Variants in CARS2 observed in about 807,000 individuals in gnomAD.
CARS2 encodes the protein probable cysteine--tRNA ligase, mitochondrial.
In CARS2, 52 loss-of-function variants were observed where a neutral mutation model predicts 68.8. The ratio of observed to expected loss-of-function variants is 0.76; its 90% CI spans 0.61 to 0.95. The LOEUF is 0.95. Among genes scored for constraint, CARS2 ranks in the 40% least tolerant of loss-of-function variants. The pLI is 0.00. For missense variants in CARS2, 780 were observed against 754.2 expected (o/e 1.03, Z -0.40); for synonymous variants, 314 against 303.6 (o/e 1.03, Z -0.36).
chr13:110,655,610 G>T (rs908404775), intron 9 of CARS2, among the ~76,000 whole-genome samples: 1 of 152,214 alleles, frequency 6.6e-6, no homozygotes, highest in African/African-American at 2.4e-5. Flanking sequence ...GCTGCTTCAG[G>T]AGAGAAGCCG....
At position 110,704,544 on chromosome 13, in the gene CARS2, T is replaced by C. The variant is rs565372447; in HGVS notation, c.275+977A>G. On this transcript the variant is annotated intron_variant, in intron 2 of 14. Coordinates refer to ENST00000257347, the MANE Select transcript of CARS2 (RefSeq NM_024537.4). The stretch of plus-strand genomic sequence containing the variant: ...TTCGAGACCAGCCTGGCTGACATGG[T>C]GAAACTCCGTCTCTACTAAAAATAC... Among the ~76,000 whole-genome samples the C allele has an allele frequency of 2.1e-3, 317 of 152,210 alleles. 1 individual carries two copies. The highest frequency in any genetic ancestry group is 7.5e-3 in the African/African-American group (311 of 41,520).
intron 3 of CARS2, among the ~76,000 whole-genome samples, chr13:110,692,813 C>T (rs1470547207): frequency 6.6e-6 from 1 of 151,586 alleles, no homozygotes; most frequent in African/African-American, 2.4e-5. Flanking sequence ...AACTCTGTCT[C>T]AAAAAAGGAA....
chr13:110,670,417 C>T lies in CARS2; in HGVS notation c.786-2944G>A, dbSNP rs1166043019. 1.3e-5 allele frequency among the ~76,000 whole-genome samples: 2 copies of T among 152,226 alleles called. No homozygotes were observed. Among genetic ancestry groups the T allele is most frequent in the African/African-American group, 2.4e-5 (1 of 41,460 alleles). ...TTCTGCAATATTTGCTGTTCTGCAGCCTCTGCTGGTGATACCCAGGCAAAC... is the reference window on the plus strand; with the variant it reads ...TTCTGCAATATTTGCTGTTCTGCAGTCTCTGCTGGTGATACCCAGGCAAAC... On this transcript the variant is annotated intron_variant, in intron 7 of 14. Coordinates refer to ENST00000257347, the MANE Select transcript of CARS2 (RefSeq NM_024537.4). The surrounding 1 kb of genome is among the most constrained non-coding windows in gnomAD (Gnocchi z 4.1).
chr13:110,713,302 C>G (rs1321710989), exon 1 of CARS2: 1 of 1,224,140 alleles, frequency 8.2e-7, no homozygotes, highest in Non-Finnish European at 1.0e-6. Context: ...TTGCTGTGTA[C>G]CATGGTCTCG....
intron 3 of CARS2, among the ~76,000 whole-genome samples, chr13:110,693,370 C>CT (rs1195044279): frequency 2.7e-5 from 4 of 150,702 alleles, no homozygotes; most frequent in Non-Finnish European, 3.0e-5. Flanking sequence ...AACTTACATT[C>CT]TTTTTTTTTG....
chr13:110,700,539 G>A (rs1448463737), intron 3 of CARS2, among the ~76,000 whole-genome samples: 1 of 152,200 alleles, frequency 6.6e-6, no homozygotes, highest in East Asian at 1.9e-4. Flanking sequence ...AACCCAGGGT[G>A]GCTGCAGGAG....
At chr13:110,700,059 G>A (rs1470151592) in intron 3 of CARS2, among the ~76,000 whole-genome samples, 2 of 152,248 alleles carry the variant, frequency 1.3e-5, no homozygotes, top group Admixed American at 1.3e-4. Flanking sequence ...TGAAGTCAGA[G>A]CTGTGGGAGT....
Position 110,642,296 on chromosome 13 carries a change from A to T in CARS2, c.1623+19T>A. On this transcript the variant is annotated intron_variant, in intron 14 of 14. Coordinates refer to ENST00000257347, the MANE Select transcript of CARS2 (RefSeq NM_024537.4). ...CCCGGCTCCTGGGGTGATGTCCCTG[A>T]CCTTGGTGCGGCACTCACCTTGATG... The T allele has an allele frequency of 6.5e-7, 1 of 1,541,186 alleles. No individual in the cohort carries two copies.
At chr13:110,656,194 C>T (rs1308532460) in intron 9 of CARS2, among the ~76,000 whole-genome samples, 3 of 152,038 alleles carry the variant, frequency 2.0e-5, no homozygotes, top group Non-Finnish European at 4.4e-5. Flanking sequence ...TCCCAGCTAC[C>T]TGGGAGGCTG....
chr13:110,647,206 G>T lies in CARS2; in HGVS notation c.1088C>A (p.Ala363Asp). 1 of 1,613,376 alleles carries T rather than the reference G, an allele frequency of 6.2e-7. No individual in the cohort carries two copies. Residue 363 changes from alanine (A) to aspartate (D), a missense_variant, in exon 11 of 15, where the codon GCT becomes GAT. Physicochemically the swap from Ala to Asp is moderately radical, Grantham distance 126. Coordinates refer to ENST00000257347, the MANE Select transcript of CARS2 (RefSeq NM_024537.4). ...GCCCAGCCCCAGGAGCAGCTGCTGAGCTTGGAGCATGGCGCTGTCACTGTA... is the reference window on the plus strand; with the variant it reads ...GCCCAGCCCCAGGAGCAGCTGCTGATCTTGGAGCATGGCGCTGTCACTGTA... ...IDYSDSAMLQ[A>D]QQLLLGLGSF...
In CARS2 at chr13:110,644,470, G is replaced by A. The variant is rs151097801; in HGVS notation, c.1331C>T (p.Pro444Leu). 7.6e-4 allele frequency: 1,233 copies of A among 1,614,002 alleles called. No individual in the cohort carries two copies. The highest frequency in any genetic ancestry group is 9.9e-4 in the Non-Finnish European group (1,164 of 1,180,006). ...LRASLKEPEG[P>L]RSPAVFGAII... The stretch of plus-strand genomic sequence containing the variant: ...GGCACCAAACACAGCAGGACTTCTC[G>A]GCCCTTCAGGTTCCTGTAAGAGATC... Residue 444 changes from proline to leucine, a missense_variant, in exon 13 of 15, where the codon CCG becomes CTG. Physicochemically the swap from Pro to Leu is moderately conservative, Grantham distance 98. Coordinates refer to ENST00000257347, the MANE Select transcript of CARS2 (RefSeq NM_024537.4).
At chr13:110,681,317 A>C (rs990486191) in intron 6 of CARS2, among the ~76,000 whole-genome samples, 8 of 152,184 alleles carry the variant, frequency 5.3e-5, no homozygotes, top group African/African-American at 1.7e-4. Context: ...TAAGGCATTA[A>C]AATTTTTTTT....
intron 8 of CARS2, chr13:110,663,895 C>T: frequency 9.8e-7 from 1 of 1,019,368 alleles, no homozygotes; most frequent in Non-Finnish European, 1.2e-6. Flanking sequence ...AACGACAAAG[C>T]TCTCATTTGA....
intron 6 of CARS2, among the ~76,000 whole-genome samples, chr13:110,679,650 CGGAGGGAGGGAGGGAGGGAG>C (rs571685789): frequency 4.6e-5 from 2 of 43,156 alleles, no homozygotes; most frequent in Non-Finnish European, 8.7e-5. Context: ...CGGGCGTGAC[CGGAGGGAGGGAGGGAGGGAG>C]GGAGGGAGGG....
At chr13:110,642,571 A>AT in intron 13 of CARS2, 50 bp from the exon 14 acceptor site, 1 of 1,375,074 alleles carries the variant, frequency 7.3e-7, no homozygotes, top group Non-Finnish European at 9.8e-7. Flanking sequence ...TGGATTGTGG[A>AT]TGCCCCCTCC....
chr13:110,705,744 C>A lies in CARS2; in HGVS notation c.224+126G>T, dbSNP rs1471808613. On this transcript the variant is annotated intron_variant, in intron 1 of 14. Transcript: ENST00000257347. This position sits in a 1 kb window ranked among gnomAD's most constrained non-coding sequence, Gnocchi z 4.0. ...AACCTGCAAAAGCACCGCGCACCCC[C>A]AGCTTCTAGAACGGCGCCCTCCATG... 6.5e-7 allele frequency: 1 copy of A among 1,537,254 alleles called. No homozygotes were observed. The highest frequency in any genetic ancestry group is 1.4e-5 in the African/African-American group (1 of 73,060).
rs143593670 is a variant in CARS2, at chr13:110,698,228, A to C, written c.393+3210T>G. On this transcript the variant is annotated intron_variant, in intron 3 of 14. Coordinates refer to ENST00000257347, the MANE Select transcript of CARS2 (RefSeq NM_024537.4). Reference sequence around the variant, plus strand: ...TATATGTATATTTTTTTTTCAAAAAAAGAAATCCAGGCCAGGCGTGGTGGC... The same window carrying C: ...TATATGTATATTTTTTTTTCAAAAACAGAAATCCAGGCCAGGCGTGGTGGC... Among the ~76,000 whole-genome samples, 21 of 152,246 alleles carry C rather than the reference A, an allele frequency of 1.4e-4. No homozygotes were observed. In the East Asian group the frequency reaches 3.3e-3, roughly 24 times the overall value.
At chr13:110,687,013 C>T (rs971510613) in intron 5 of CARS2, among the ~76,000 whole-genome samples, 4 of 152,188 alleles carry the variant, frequency 2.6e-5, no homozygotes, top group East Asian at 1.9e-4. Context: ...GCCAAACAGA[C>T]GGGGGTGACC....
intron 7 of CARS2, among the ~76,000 whole-genome samples, chr13:110,667,745 T>A (rs1168699925): frequency 6.6e-6 from 1 of 152,200 alleles, no homozygotes; most frequent in Non-Finnish European, 1.5e-5. Flanking sequence ...CTTTTTCAAC[T>A]CAAAAAATTA....
Sources: gnomAD v4.1 joint callset for allele counts (sites outside exome capture counted in the v4.1 genomes callset) on GRCh38, gnomAD v4.1.1 for gene constraint, Gnocchi (gnomAD v3.1) non-coding constraint, MANE v1.5 for transcripts, NCBI Gene and HGNC (gene_info 2026-07-23, HGNC 2026-07-21) for gene names.